The following SHANK1 variants were observed in gnomAD, a reference collection of about 807,000 sequenced individuals.
SHANK1 encodes the protein SH3 and multiple ankyrin repeat domains protein 1.
Under a neutral mutation model 165.6 loss-of-function variants are expected in SHANK1, and 35 were observed. That is an observed-to-expected ratio of 0.21 (90% CI 0.16 to 0.28). The LOEUF is 0.28. Among genes scored for constraint, SHANK1 ranks in the 10% least tolerant of loss-of-function variants. The pLI is 1.00. For synonymous variants in SHANK1, 1,428 were observed against 1,384.8 expected (o/e 1.03, Z -0.69); for missense variants, 2,681 against 3,036.4 (o/e 0.88, Z 2.75).
At position 50,697,351 on chromosome 19, in the gene SHANK1, C is replaced by T. The variant is rs1184244630; in HGVS notation, c.1938-229G>A. 6.6e-6 allele frequency among the ~76,000 whole-genome samples: 1 copy of T among 152,184 alleles called. No homozygotes were observed. On this transcript the variant is annotated intron_variant, in intron 14 of 23. Coordinates refer to ENST00000293441, the MANE Select transcript of SHANK1 (RefSeq NM_016148.5). This position sits in a 1 kb window ranked among gnomAD's most constrained non-coding sequence, Gnocchi z 4.7. Reference sequence around the variant, plus strand: ...GCCCCCCCAGGCATCCCCACCCTGCCCTGACCACCCCGTTGTCTCTGGCTA... The same window carrying T: ...GCCCCCCCAGGCATCCCCACCCTGCTCTGACCACCCCGTTGTCTCTGGCTA...
rs745821343 is a variant in SHANK1, at chr19:50,666,681, C to T, written c.5279G>A (p.Arg1760Gln). ...QLMTPSKLRG[R>Q]ALGASGGLRP... Reference sequence around the variant, plus strand: ...CAGGCCTCCGCTGGCTCCTAGCGCCCGGCCCCGGAGCTTAGAGGGAGTCAT... The same window carrying T: ...CAGGCCTCCGCTGGCTCCTAGCGCCTGGCCCCGGAGCTTAGAGGGAGTCAT... Residue 1760 changes from arginine to glutamine, a missense_variant, in exon 23 of 24, where the codon CGG (arginine) becomes CAG (glutamine). Coordinates refer to ENST00000293441, the MANE Select transcript of SHANK1 (RefSeq NM_016148.5). The T allele has an allele frequency of 2.5e-6, 4 of 1,585,326 alleles. No individual in the cohort carries two copies. The highest frequency in any genetic ancestry group is 3.6e-5 in the Admixed American group (2 of 55,630).
At chr19:50,675,593 G>A (rs376857526) in intron 21 of SHANK1, among the ~76,000 whole-genome samples, 2 of 152,156 alleles carry the variant, frequency 1.3e-5, no homozygotes, top group Admixed American at 1.3e-4. Flanking sequence ...CGACAAATTA[G>A]ACAAATGTCC....
chr19:50,685,524 G>A (rs1278811465), intron 21 of SHANK1, among the ~76,000 whole-genome samples: 1 of 152,160 alleles, frequency 6.6e-6, no homozygotes, highest in Non-Finnish European at 1.5e-5. Context: ...AGGAGTTTGA[G>A]ACCAGCCTGG....
chr19:50,678,302 A>C (rs1385911683), intron 21 of SHANK1, among the ~76,000 whole-genome samples: 1 of 152,074 alleles, frequency 6.6e-6, no homozygotes, highest in Non-Finnish European at 1.5e-5. Flanking sequence ...CAGGAAGCAC[A>C]CGGGGACTGC....
intron 15 of SHANK1, among the ~76,000 whole-genome samples, chr19:50,695,458 AG>A (rs1169187699): frequency 3.4e-5 from 1 of 29,332 alleles, no homozygotes; most frequent in Non-Finnish European, 7.4e-5. Context: ...TGGCGGGAGA[AG>A]GGGGAGGGGC....
At chr19:50,705,593 G>C (rs2088928938) in intron 8 of SHANK1, among the ~76,000 whole-genome samples, 1 of 152,034 alleles carries the variant, frequency 6.6e-6, no homozygotes, top group South Asian at 2.1e-4. Flanking sequence ...GTGGGATGTT[G>C]AGTAGCATCC....
In SHANK1 at chr19:50,660,737, G is replaced by A. The variant is rs930717066; in HGVS notation, c.*1228C>T. Among the ~76,000 whole-genome samples the A allele has an allele frequency of 2.1e-5, 3 of 143,844 alleles. No individual in the cohort carries two copies. The highest frequency in any genetic ancestry group is 6.9e-5 in the Admixed American group (1 of 14,472). 94.4% of individuals were successfully genotyped at this position (143,844 alleles called of 152,430 possible). A position where few individuals can be genotyped will look rare whatever the true frequency, so the allele number is the denominator to read the frequency against. On this transcript the variant is annotated 3_prime_UTR_variant, in exon 24 of 24. Transcript: ENST00000293441. ...CTGAAAATGCTGGGGGGGGGGGCGC[G>A]TGTGCAAAAGCAAGTGTGCAAGAGG...
At chr19:50,701,193 C>CTT (rs34951143) in intron 12 of SHANK1, among the ~76,000 whole-genome samples, 8 of 101,114 alleles carry the variant, frequency 7.9e-5, no homozygotes, top group Non-Finnish European at 1.2e-4. Flanking sequence ...AAAATGATGG[C>CTT]TTTTTTTTTT....
chr19:50,667,591 GC>G lies in SHANK1; in HGVS notation c.4368del (p.Leu1458SerfsTer16). The G allele has an allele frequency of 7.0e-7, 1 of 1,438,618 alleles. No individual in the cohort carries two copies. The highest frequency in any genetic ancestry group is 9.0e-7 in the Non-Finnish European group (1 of 1,107,534). The allele number at this position is 1,438,618 out of a possible 1,614,324, so 89.1% of individuals were successfully genotyped here. A position where few individuals can be genotyped will look rare whatever the true frequency, so the allele number is the denominator to read the frequency against. On this transcript the variant is annotated frameshift_variant, in exon 23 of 24. Transcript: ENST00000293441. LOFTEE classifies it high-confidence loss of function. This position sits in a 1 kb window ranked among gnomAD's most constrained non-coding sequence, Gnocchi z 5.7. Reference sequence around the variant, plus strand: ...TCCGTCCCCAGCTGCAGCAGGAGGGGCCCCACCCCGGGAGCGGTGGGCGGCA... The same window carrying G: ...TCCGTCCCCAGCTGCAGCAGGAGGGGCCCACCCCGGGAGCGGTGGGCGGCA... ...HRLPPTAPGV[G>X]PLLLQLGTEP...
At position 50,666,286 on chromosome 19, in the gene SHANK1, G is replaced by C; in HGVS notation, c.5674C>G (p.Pro1892Ala). 1.9e-6 allele frequency: 3 copies of C among 1,611,844 alleles called. No homozygotes were observed. The highest frequency in any genetic ancestry group is 2.5e-6 in the Non-Finnish European group (3 of 1,179,328). Residue 1892 changes from proline (P) to alanine (A), a missense_variant, in exon 23 of 24, where the codon CCC becomes GCC. This residue lies in a region of SHANK1 where 1,713 missense variants were observed against 1,630.2 expected (regional missense o/e 1.05). Coordinates refer to ENST00000293441, the MANE Select transcript of SHANK1 (RefSeq NM_016148.5). ...GGSSAAGGAL[P>A]WARGGSGGGG... ...CCCCCACTGCCTCCTCGGGCCCAGG[G>C]CAGAGCGCCGCCAGCTGCCGAGGAG...
At chr19:50,712,938 T>C (rs1397069863) in intron 6 of SHANK1, among the ~76,000 whole-genome samples, 1 of 152,134 alleles carries the variant, frequency 6.6e-6, no homozygotes, top group Non-Finnish European at 1.5e-5. Context: ...AGCGCAGGTC[T>C]GGAGGCTGGG....
rs1986273206 is a variant in SHANK1 at position 50,684,489 on chromosome 19, G to A, written c.2577+1748C>T. On this transcript the variant is annotated intron_variant, in intron 21 of 23. Transcript: ENST00000293441. ...GATCAGCCCACTTCAGCCTCCCAAAGTGCTAGGATTACAGGCGTGAGCCAC... is the reference window on the plus strand; with the variant it reads ...GATCAGCCCACTTCAGCCTCCCAAAATGCTAGGATTACAGGCGTGAGCCAC... Among the ~76,000 whole-genome samples the A allele has an allele frequency of 1.3e-5, 2 of 152,272 alleles. 1 individual carries two copies. Among genetic ancestry groups the A allele is most frequent in the African/African-American group, 4.8e-5 (2 of 41,542 alleles).
Position 50,668,776 on chromosome 19 carries a change from G to T in SHANK1, c.3184C>A (p.Pro1062Thr), listed in dbSNP as rs1985674160. 2.4e-6 allele frequency: 3 copies of T among 1,271,030 alleles called. No individual in the cohort carries two copies. In the South Asian group the frequency reaches 9.5e-5, roughly 40 times the overall value. The allele number at this position is 1,271,030 out of a possible 1,614,324, so 78.7% of individuals were successfully genotyped here. A position where few individuals can be genotyped will look rare whatever the true frequency, so the allele number is the denominator to read the frequency against. Residue 1062 changes from proline (P) to threonine (T), a missense_variant, in exon 23 of 24, where the codon CCG becomes ACG. Coordinates refer to ENST00000293441, the MANE Select transcript of SHANK1 (RefSeq NM_016148.5). ...GGGPSPTPGA[P>T]SPSHHGSAGG... ...GCGCTGCCGTGGTGCGATGGGGACG[G>T]GGCCCCCGGGGTCGGGCTGGGCCCG...
chr19:50,672,574 A>G (rs1229676169), intron 21 of SHANK1, among the ~76,000 whole-genome samples: 1 of 151,128 alleles, frequency 6.6e-6, no homozygotes, highest in Non-Finnish European at 1.5e-5. Flanking sequence ...AAAAAAAAAA[A>G]AAAAAAGAAA....
chr19:50,684,624 C>G (rs553667083), intron 21 of SHANK1, among the ~76,000 whole-genome samples: 3 of 152,150 alleles, frequency 2.0e-5, no homozygotes, highest in African/African-American at 7.2e-5. Context: ...AAAAAAAATC[C>G]TATGTCTTCA....
At position 50,661,329 on chromosome 19, in the gene SHANK1, A is replaced by G. The variant is rs1362123569; in HGVS notation, c.*636T>C. ...AAGGAAATGCAGCGTGTGCGAGGAG[A>G]GCAGAGTGTATTTGAGCGGGCCTCG... On this transcript the variant is annotated 3_prime_UTR_variant, in exon 24 of 24. Coordinates refer to ENST00000293441, the MANE Select transcript of SHANK1 (RefSeq NM_016148.5). Among the ~76,000 whole-genome samples the G allele has an allele frequency of 2.0e-5, 3 of 152,054 alleles. No individual in the cohort carries two copies. The highest frequency in any genetic ancestry group is 3.9e-4 in the East Asian group (2 of 5,194).
rs771491253 is a variant in SHANK1, at chr19:50,666,735, G to A, written c.5225C>T (p.Thr1742Ile). The A allele has an allele frequency of 1.7e-5, 26 of 1,566,384 alleles. No individual in the cohort carries two copies. The highest frequency in any genetic ancestry group is 2.7e-5 in the African/African-American group (2 of 74,138). The change falls in exon 23 of 24, where the codon ACT (threonine) becomes ATT (isoleucine). Residue 1742 changes from threonine to isoleucine, a missense_variant. Coordinates refer to ENST00000293441, the MANE Select transcript of SHANK1 (RefSeq NM_016148.5). The stretch of plus-strand genomic sequence containing the variant: ...CTGAGGAGGGTATGGCGGGCCGGGA[G>A]TACTGCTGCCCCCAAAGGCCTGGCC... The part of the protein sequence containing the change: ...LDGQAFGGSS[T>I]PGPPYPPQLM...
In SHANK1 at chr19:50,662,360, C is replaced by T; in HGVS notation, c.6091G>A (p.Gly2031Ser). 6.3e-7 allele frequency: 1 copy of T among 1,596,480 alleles called. No homozygotes were observed. Among genetic ancestry groups the T allele is most frequent in the Non-Finnish European group, 8.5e-7 (1 of 1,170,010 alleles). The change falls in exon 24 of 24, where the codon GGC (glycine) becomes AGC (serine). Residue 2031 changes from glycine (G) to serine (S), a missense_variant. Around this residue, in one of 10 missense-constraint regions of SHANK1, gnomAD observed 1,713 missense variants for 1,630.2 expected, o/e 1.05. Transcript: ENST00000293441. This position sits in a 1 kb window ranked among gnomAD's most constrained non-coding sequence, Gnocchi z 7.7. The part of the protein sequence containing the change: ...PILPSGPLYP[G>S]LFDIRGSPTG... ...GGGGAGCCACGGATGTCAAAGAGGC[C>T]TGGGTAGAGGGGTCCGGAAGGCAGG...
Position 50,711,820 on chromosome 19 carries a change from G to A in SHANK1, c.960+127C>T. Reference sequence around the variant, plus strand: ...CTTCACCCCCACCATTTCCTCTTTGGGGACCATGTTATTCTCACCCCCATG... The same window carrying A: ...CTTCACCCCCACCATTTCCTCTTTGAGGACCATGTTATTCTCACCCCCATG... On this transcript the variant is annotated intron_variant, in intron 7 of 23. Transcript: ENST00000293441. 3.6e-6 allele frequency: 4 copies of A among 1,099,710 alleles called. No individual in the cohort carries two copies. The South Asian group carries it at 5.7e-5, about 16-fold the overall frequency. The allele number at this position is 1,099,710 out of a possible 1,614,324, so 68.1% of individuals were successfully genotyped here. A position where few individuals can be genotyped will look rare whatever the true frequency, so the allele number is the denominator to read the frequency against.
Sources: gnomAD v4.1 joint callset for allele counts (sites outside exome capture counted in the v4.1 genomes callset) on GRCh38, gnomAD v4.1.1 for gene constraint, gnomAD v4.1.1 regional missense constraint, Gnocchi (gnomAD v3.1) non-coding constraint, MANE v1.5 for transcripts, NCBI Gene and HGNC (gene_info 2026-07-23, HGNC 2026-07-21) for gene names.